The following CACNB4 variants were observed in gnomAD, a reference collection of about 807,000 sequenced individuals.
CACNB4 encodes the protein calcium voltage-gated channel auxiliary subunit beta 4, also known as voltage-dependent L-type calcium channel subunit beta-4.
CACNB4 carries 32 observed loss-of-function variants against 71.2 expected under a neutral mutation model. The observed-to-expected ratio is 0.45, with a 90% CI of 0.34 to 0.60. The LOEUF is 0.60. Ranked by LOEUF, CACNB4 falls within the 20% of genes least tolerant of loss-of-function variation. The probability of loss-of-function intolerance (pLI) is 0.01; values close to 1 mark genes in which losing one functional copy is unlikely to be tolerated. For missense variants in CACNB4, 464 were observed against 647.9 expected, an observed-to-expected ratio of 0.72 and a Z score of 3.08; for synonymous variants, 231 against 236.9, an observed-to-expected ratio of 0.97 and a Z score of 0.23.
At chr2:152,001,541 A>T (rs1268011432) in intron 2 of CACNB4, among the ~76,000 whole-genome samples, 1 of 145,814 alleles carries the variant, frequency 6.9e-6, no homozygotes, top group Non-Finnish European at 1.5e-5. Context: ...AAAAAAAAAA[A>T]AAAAAAAAAA....
intron 2 of CACNB4, among the ~76,000 whole-genome samples, chr2:151,890,720 G>T (rs180694755): frequency 6.6e-6 from 1 of 152,074 alleles, no homozygotes; most frequent in Non-Finnish European, 1.5e-5. Flanking sequence ...AATGATAGAC[G>T]TATTTTTTAA....
At chr2:151,993,785 G>A (rs1041214847) in intron 2 of CACNB4, among the ~76,000 whole-genome samples, 3 of 151,364 alleles carry the variant, frequency 2.0e-5, no homozygotes, top group East Asian at 2.0e-4. Context: ...GGCTGGTCTC[G>A]AACTCCTGAC....
chr2:151,855,964 G>A (rs1413001503), intron 10 of CACNB4, among the ~76,000 whole-genome samples: 1 of 151,320 alleles, frequency 6.6e-6, no homozygotes, highest in African/African-American at 2.4e-5. Context: ...GAAAGCCAAT[G>A]TACTTGTTCT....
chr2:151,954,654 G>T (rs941681191), intron 2 of CACNB4, among the ~76,000 whole-genome samples: 1 of 151,998 alleles, frequency 6.6e-6, no homozygotes, highest in Non-Finnish European at 1.5e-5. Flanking sequence ...TAATAACTCT[G>T]ATAATAATAC....
rs149528086 is a variant in CACNB4, at chr2:152,059,312, C to A, written c.147+39018G>T. Among the ~76,000 whole-genome samples, 18 of 152,328 alleles carry A rather than the reference C, an allele frequency of 1.2e-4. No individual in the cohort carries two copies. The East Asian group carries it at 3.5e-3, about 29-fold the overall frequency. ...GTGTGTGCCTGGAAAAGCTGCAGAC[C>A]CTCAACGGCAGCCGTGAAAGCAGCC... is the stretch of plus-strand genomic sequence containing the variant. On this transcript the variant is annotated intron_variant, in intron 2 of 13. Coordinates refer to ENST00000539935, the MANE Select transcript of CACNB4 (RefSeq NM_000726.5).
At chr2:152,059,101 G>A (rs559194849) in intron 2 of CACNB4, among the ~76,000 whole-genome samples, 1 of 152,378 alleles carries the variant, frequency 6.6e-6, no homozygotes, top group East Asian at 1.9e-4. Context: ...TGGATGTCCA[G>A]GCACTTGTGT....
intron 2 of CACNB4, among the ~76,000 whole-genome samples, chr2:152,003,711 A>G (rs1682558392): frequency 6.6e-6 from 1 of 152,164 alleles, no homozygotes; most frequent in South Asian, 2.1e-4. Context: ...GTAATTCATC[A>G]TTGTATTGAC....
At chr2:151,915,463 A>G (rs2099857221) in intron 2 of CACNB4, among the ~76,000 whole-genome samples, 1 of 152,214 alleles carries the variant, frequency 6.6e-6, no homozygotes, top group African/African-American at 2.4e-5. Context: ...AACAGCTGAG[A>G]CAGCAGGCAG....
intron 2 of CACNB4, among the ~76,000 whole-genome samples, chr2:151,887,051 A>T (rs1191073545): frequency 1.3e-5 from 2 of 152,180 alleles, no homozygotes; most frequent in Non-Finnish European, 2.9e-5. Flanking sequence ...CGTCACCCAG[A>T]TATCTGGCTA....
At position 152,098,639 on chromosome 2, in the gene CACNB4, A is replaced by G; in HGVS notation, c.64-226T>C. ...CGAGAAGAGCAGCCCGCAAGCACCC[A>G]CCACATCCATTAACAAAGACTCTCA... On this transcript the variant is annotated intron_variant, in intron 1 of 13. Coordinates refer to ENST00000539935, the MANE Select transcript of CACNB4 (RefSeq NM_000726.5). This position sits in a 1 kb window ranked among gnomAD's most constrained non-coding sequence, Gnocchi z 5.3. 1 of 1,452,650 alleles carries G rather than the reference A, an allele frequency of 6.9e-7. No individual in the cohort carries two copies. Among genetic ancestry groups the G allele is most frequent in the Non-Finnish European group, 9.2e-7 (1 of 1,085,480 alleles). 90.0% of individuals were successfully genotyped at this position (1,452,650 alleles called of 1,614,324 possible).
chr2:152,062,032 A>G, intron 2 of CACNB4, among the ~76,000 whole-genome samples: 1 of 148,282 alleles, frequency 6.7e-6, no homozygotes, highest in South Asian at 2.1e-4. Flanking sequence ...TAATAATAAT[A>G]ATAATAATAA....
rs113697027 is a variant in CACNB4 at position 151,913,936 on chromosome 2, C to A, written c.148-30566G>T. On this transcript the variant is annotated intron_variant, in intron 2 of 13. Coordinates refer to ENST00000539935, the MANE Select transcript of CACNB4 (RefSeq NM_000726.5). The stretch of plus-strand genomic sequence containing the variant: ...TTCCTTCATTTCAACCTTGGAGAAT[C>A]TGATGATTATGTGTCTTGGGGTTGA... 3.9e-5 allele frequency among the ~76,000 whole-genome samples: 6 copies of A among 152,184 alleles called. No individual in the cohort carries two copies. In the South Asian group the frequency reaches 8.3e-4, roughly 21 times the overall value.
At chr2:152,061,846 T>A (rs1271478048) in intron 2 of CACNB4, among the ~76,000 whole-genome samples, 1 of 151,552 alleles carries the variant, frequency 6.6e-6, no homozygotes, top group African/African-American at 2.4e-5. Context: ...ACCCTGTCGC[T>A]ACTAAAAATA....
At chr2:151,955,388 T>C (rs1046367102) in intron 2 of CACNB4, among the ~76,000 whole-genome samples, 3 of 152,148 alleles carry the variant, frequency 2.0e-5, no homozygotes, top group Non-Finnish European at 4.4e-5. Context: ...ATAGTTGGAG[T>C]TGAGGGAAGG....
At chr2:152,034,334 G>A (rs1010864886) in intron 2 of CACNB4, among the ~76,000 whole-genome samples, 2 of 152,150 alleles carry the variant, frequency 1.3e-5, no homozygotes, top group African/African-American at 4.8e-5. Context: ...GGATGCAGGT[G>A]GCAGTACCTA....
At chr2:151,975,758 T>C (rs1171565564) in intron 2 of CACNB4, among the ~76,000 whole-genome samples, 1 of 152,228 alleles carries the variant, frequency 6.6e-6, no homozygotes, top group Non-Finnish European at 1.5e-5. Flanking sequence ...ATACGGTATT[T>C]CAACCAGAAT....
At chr2:151,862,418 G>A (rs1002561163) in intron 9 of CACNB4, among the ~76,000 whole-genome samples, 43 of 152,246 alleles carry the variant, frequency 2.8e-4, no homozygotes, top group African/African-American at 9.6e-4. Context: ...TATATGCTGT[G>A]GGTTGTCAGG....
intron 2 of CACNB4, among the ~76,000 whole-genome samples, chr2:152,043,670 ACACG>A (rs142863817): frequency 0.017 from 2,656 of 152,256 alleles, 74 homozygotes; most frequent in African/African-American, 0.059. Context: ...GTGCGTGTAT[ACACG>A]TATACATACA....
intron 2 of CACNB4, among the ~76,000 whole-genome samples, chr2:151,910,891 G>C (rs917153942): frequency 2.6e-5 from 4 of 152,206 alleles, no homozygotes; most frequent in African/African-American, 9.6e-5. Flanking sequence ...ACTTTGGACA[G>C]TATGGCCATT....
Sources: gnomAD v4.1 joint callset for allele counts (sites outside exome capture counted in the v4.1 genomes callset) on GRCh38, gnomAD v4.1.1 for gene constraint, Gnocchi (gnomAD v3.1) non-coding constraint, MANE v1.5 for transcripts, NCBI Gene and HGNC (gene_info 2026-07-23, HGNC 2026-07-21) for gene names.